Variants in PRAG1 observed in about 807,000 individuals in gnomAD.
PRAG1 encodes PEAK1 related, kinase-activating pseudokinase 1, also known as inactive tyrosine-protein kinase PRAG1.
In PRAG1, 110 loss-of-function variants were observed where a neutral mutation model predicts 95.6. The observed-to-expected ratio is 1.15, with a 90% CI of 0.99 to 1.35. PRAG1 has a LOEUF of 1.35. PRAG1 is among the 40% of genes most tolerant of loss of function. The pLI is 0.00. For synonymous variants in PRAG1, 1,052 were observed against 819.4 expected (o/e 1.28, Z -4.85); for missense variants, 2,554 against 1,864.7 (o/e 1.37, Z -6.81).
chr8:8,381,809 T>C lies in PRAG1; in HGVS notation c.-62A>G. 7.1e-7 allele frequency: 1 copy of C among 1,405,444 alleles called. No homozygotes were observed. The allele number at this position is 1,405,444 out of a possible 1,614,324, so 87.1% of individuals were successfully genotyped here. A position where few individuals can be genotyped will look rare whatever the true frequency, so the allele number is the denominator to read the frequency against. On this transcript the variant is annotated 5_prime_UTR_variant, in exon 2 of 6. Transcript: ENST00000615670. ...GCTCTCTGGTGCAGTTTTGTGGGAT[T>C]CAGAGGTGGGTCACAGAGCGGCTTC...
rs1356095800 is a variant in PRAG1 at position 8,319,065 on chromosome 8, C to A, written c.3310G>T (p.Val1104Leu). The change falls in exon 6 of 6, where the codon GTG (valine) becomes TTG (leucine). Residue 1104 changes from valine to leucine, a missense_variant. Transcript: ENST00000615670. ...EVPHQTASDF[V>L]RDSAASHQAE... ...TGGTGGCTGGCCGCCGAGTCCCGCACGAAGTCGGAGGCGGTCTGATGTGGC... is the reference window on the plus strand; with the variant it reads ...TGGTGGCTGGCCGCCGAGTCCCGCAAGAAGTCGGAGGCGGTCTGATGTGGC... 3.7e-6 allele frequency: 6 copies of A among 1,611,976 alleles called. No individual in the cohort carries two copies. Among genetic ancestry groups the A allele is most frequent in the Non-Finnish European group, 5.1e-6 (6 of 1,179,774 alleles).
chr8:8,357,583 G>C (rs1413117835), intron 3 of PRAG1, among the ~76,000 whole-genome samples: 1 of 152,184 alleles, frequency 6.6e-6, no homozygotes, highest in Non-Finnish European at 1.5e-5. Context: ...CTTGTGCACT[G>C]TCAGTGGGAA....
At chr8:8,360,954 A>T (rs917890646) in intron 3 of PRAG1, among the ~76,000 whole-genome samples, 2 of 152,200 alleles carry the variant, frequency 1.3e-5, no homozygotes, top group African/African-American at 4.8e-5. Context: ...CACATTCCCA[A>T]ATTGCCATAG....
chr8:8,375,208 T>TTTTTTTG lies in PRAG1; in HGVS notation c.2162+1038_2162+1039insCAAAAAA, dbSNP rs1554511988. On this transcript the variant is annotated intron_variant, in intron 3 of 5. Transcript: ENST00000615670. ...CAAAACTACATTTTTTTCTTTGTTTTTTTTTTTGTTTTTTTGAGACAGTCT... is the reference window on the plus strand; with the variant it reads ...CAAAACTACATTTTTTTCTTTGTTTTTTTTTTGTTTTTTTGTTTTTTTGAGACAGTCT... Among the ~76,000 whole-genome samples the TTTTTTTG allele has an allele frequency of 2.5e-4, 37 of 146,238 alleles. 1 individual carries two copies. Among genetic ancestry groups the TTTTTTTG allele is most frequent in the South Asian group, 2.4e-3 (11 of 4,552 alleles).
intron 3 of PRAG1, among the ~76,000 whole-genome samples, chr8:8,374,053 TG>T (rs1189981094): frequency 6.6e-6 from 1 of 152,210 alleles, no homozygotes; most frequent in Non-Finnish European, 1.5e-5. Flanking sequence ...CCATAGGGTG[TG>T]GGTGTCATTG....
chr8:8,384,528 T>C (rs1256798570), intron 1 of PRAG1, among the ~76,000 whole-genome samples: 7 of 143,848 alleles, frequency 4.9e-5, no homozygotes, highest in Middle Eastern at 3.5e-3. Context: ...GCCCTGGGCT[T>C]CCCACTGTCA....
Position 8,319,246 on chromosome 8 carries a change from C to T in PRAG1, c.3129G>A (p.Val1043=). ...TVSYCSPSVP[V]HFNIQQDCGH... ...CGCAGTCCTGCTGGATGTTAAAGTGCACGGGCACGGACGGGCTGCAGTAGG... is the reference window on the plus strand; with the variant it reads ...CGCAGTCCTGCTGGATGTTAAAGTGTACGGGCACGGACGGGCTGCAGTAGG... The change falls in exon 6 of 6, where the codon GTG becomes GTA. Residue 1043 remains valine, a synonymous_variant. Coordinates refer to ENST00000615670, the MANE Select transcript of PRAG1 (RefSeq NM_001080826.3). 1 of 1,551,350 alleles carries T rather than the reference C, an allele frequency of 6.4e-7. No individual in the cohort carries two copies. Among genetic ancestry groups the T allele is most frequent in the South Asian group, 1.2e-5 (1 of 81,990 alleles).
chr8:8,339,416 G>C, intron 4 of PRAG1, 62 bp downstream of exon 4: 1 of 1,569,492 alleles, frequency 6.4e-7, no homozygotes, highest in Non-Finnish European at 8.7e-7. Context: ...CGCAAGCAAC[G>C]CAGGACTGGT....
At chr8:8,345,046 G>GGTGTGTGTGTGTGTGTGTGTGT (rs57329300) in intron 3 of PRAG1, among the ~76,000 whole-genome samples, 26 of 134,046 alleles carry the variant, frequency 1.9e-4, no homozygotes, top group South Asian at 5.0e-4. Context: ...TTATCCGCAG[G>GGTGTGTGTGTGTGTGTGTGTGT]GTGTGTGTGT....
chr8:8,354,642 T>G (rs925159410), intron 3 of PRAG1, among the ~76,000 whole-genome samples: 1 of 152,298 alleles, frequency 6.6e-6, no homozygotes, highest in Non-Finnish European at 1.5e-5. Context: ...AATAAATCAT[T>G]GTAATATGTC....
chr8:8,361,737 C>T (rs1233986554), intron 3 of PRAG1, among the ~76,000 whole-genome samples: 1 of 152,190 alleles, frequency 6.6e-6, no homozygotes, highest in African/African-American at 2.4e-5. Flanking sequence ...AGTTGACAGA[C>T]TCAATCTTCA....
At chr8:8,371,945 G>T (rs868812123) in intron 3 of PRAG1, among the ~76,000 whole-genome samples, 2 of 152,144 alleles carry the variant, frequency 1.3e-5, no homozygotes, top group Non-Finnish European at 2.9e-5. Flanking sequence ...CCTAGGGCCA[G>T]ACCATTTAGA....
intron 2 of PRAG1, 57 bp from the exon 3 acceptor site, chr8:8,378,135 G>A: frequency 6.7e-7 from 1 of 1,498,368 alleles, no homozygotes. Context: ...AGAAAAAAGA[G>A]AGAGAGGAAA....
intron 3 of PRAG1, among the ~76,000 whole-genome samples, chr8:8,341,598 G>A (rs958366665): frequency 6.6e-6 from 1 of 152,042 alleles, no homozygotes; most frequent in African/African-American, 2.4e-5. Flanking sequence ...ACATCTATGG[G>A]AAAAAAATCA....
At chr8:8,383,506 A>G (rs1800752026) in intron 1 of PRAG1, among the ~76,000 whole-genome samples, 2 of 152,092 alleles carry the variant, frequency 1.3e-5, no homozygotes, top group South Asian at 4.1e-4. Context: ...GCCTGAGCCC[A>G]GGAGGTCAAG....
chr8:8,385,144 T>A (rs1800807426), intron 1 of PRAG1, among the ~76,000 whole-genome samples: 2 of 152,120 alleles, frequency 1.3e-5, no homozygotes, highest in South Asian at 2.1e-4. Context: ...TCACCTAAAA[T>A]TTTTTTCTGT....
chr8:8,349,562 C>G (rs961065365), intron 3 of PRAG1, among the ~76,000 whole-genome samples: 3 of 152,016 alleles, frequency 2.0e-5, no homozygotes, highest in Admixed American at 6.6e-5. Flanking sequence ...GATTACAGGC[C>G]TGAGCCACCG....
Position 8,376,738 on chromosome 8 carries a change from C to A in PRAG1, c.1671G>T (p.Pro557=), listed in dbSNP as rs749062047. Residue 557 remains proline (P), a synonymous_variant, in exon 3 of 6, where the codon CCG becomes CCT. Coordinates refer to ENST00000615670, the MANE Select transcript of PRAG1 (RefSeq NM_001080826.3). ...GGGGCCCTCCAGCAGACGGTGACAC[C>A]GGGGACCCTACAGGGCTACTCTTGG... The part of the protein sequence containing the change: ...KLSKSSPVGS[P]VSPSAGGPPV... 6.2e-7 allele frequency: 1 copy of A among 1,609,836 alleles called. No individual in the cohort carries two copies.
Position 8,356,377 on chromosome 8 carries a change from A to T in PRAG1, c.2163-16742T>A, listed in dbSNP as rs1799683580. On this transcript the variant is annotated intron_variant, in intron 3 of 5. Coordinates refer to ENST00000615670, the MANE Select transcript of PRAG1 (RefSeq NM_001080826.3). Reference sequence around the variant, plus strand: ...TTGTTTTGTTTTGAGACAGGGTCTCACTCTGTCACCTAGGCTGGAGTGCAG... The same window carrying T: ...TTGTTTTGTTTTGAGACAGGGTCTCTCTCTGTCACCTAGGCTGGAGTGCAG... Among the ~76,000 whole-genome samples the T allele has an allele frequency of 2.0e-5, 3 of 152,138 alleles. No homozygotes were observed. The East Asian group carries it at 5.8e-4, about 29-fold the overall frequency.
Sources: gnomAD v4.1 joint callset for allele counts (sites outside exome capture counted in the v4.1 genomes callset) on GRCh38, gnomAD v4.1.1 for gene constraint, MANE v1.5 for transcripts, NCBI Gene and HGNC (gene_info 2026-07-23, HGNC 2026-07-21) for gene names.